Variants in VPS50 observed in about 807,000 individuals in gnomAD.
VPS50 encodes the protein syndetin.
Under a neutral mutation model 139.7 loss-of-function variants are expected in VPS50, and 70 were observed. That is an observed-to-expected ratio of 0.50 (90% CI 0.41 to 0.61). VPS50 has a LOEUF of 0.61. Among genes scored for constraint, VPS50 ranks in the 20% least tolerant of loss-of-function variants. The pLI is 0.00. For synonymous variants in VPS50, 365 were observed against 376.7 expected (o/e 0.97, Z 0.36); for missense variants, 921 against 1,133.7 (o/e 0.81, Z 2.69).
rs555259125 is a variant in VPS50, at chr7:93,280,642, AT to A, written c.942+4346del. Among the ~76,000 whole-genome samples the A allele has an allele frequency of 3.3e-5, 5 of 151,238 alleles. 1 individual carries two copies. The South Asian group carries it at 6.3e-4, about 19-fold the overall frequency. On this transcript the variant is annotated intron_variant, in intron 12 of 27. Coordinates refer to ENST00000305866, the MANE Select transcript of VPS50 (RefSeq NM_017667.4). ...GAAAGTTTATGAAGTATTCATAAGGATTTTTTTTTCCTTTTTAAAAATAACA... is the reference window on the plus strand; with the variant it reads ...GAAAGTTTATGAAGTATTCATAAGGATTTTTTTTCCTTTTTAAAAATAACA...
chr7:93,323,873 A>C, intron 21 of VPS50, 141 bp downstream of exon 21: 1 of 381,658 alleles, frequency 2.6e-6, no homozygotes, highest in Non-Finnish European at 4.6e-6. Flanking sequence ...TATTGATATC[A>C]GCCTTCTGTC....
intron 2 of VPS50, among the ~76,000 whole-genome samples, chr7:93,250,494 C>A (rs1226065782): frequency 6.6e-6 from 1 of 152,018 alleles, no homozygotes; most frequent in Non-Finnish European, 1.5e-5. Flanking sequence ...ATTGGCTAGC[C>A]ATATGCAGAA....
At chr7:93,271,005 C>T in intron 9 of VPS50, 2 of 564,734 alleles carry the variant, frequency 3.5e-6, no homozygotes, top group Non-Finnish European at 5.1e-6. Context: ...TTCTTTCTTT[C>T]TACTCACGCA....
chr7:93,286,846 G>A (rs1796500299), intron 12 of VPS50, among the ~76,000 whole-genome samples: 1 of 152,044 alleles, frequency 6.6e-6, no homozygotes, highest in African/African-American at 2.4e-5. Flanking sequence ...AGCATGAGAA[G>A]CATTTGTCAC....
At chr7:93,305,753 A>T (rs1233315984) in intron 17 of VPS50, 75 bp from the exon 18 acceptor site, 9 of 993,142 alleles carry the variant, frequency 9.1e-6, no homozygotes, top group Non-Finnish European at 1.4e-5. Flanking sequence ...CTCTACATGT[A>T]TATTGAGGGA....
intron 1 of VPS50, among the ~76,000 whole-genome samples, chr7:93,233,933 C>T (rs752986924): frequency 1.3e-5 from 2 of 152,180 alleles, no homozygotes. Context: ...AGTGCTTGAA[C>T]GCAGAGACCG....
At chr7:93,268,423 C>G (rs778987796) in intron 9 of VPS50, among the ~76,000 whole-genome samples, 1 of 152,038 alleles carries the variant, frequency 6.6e-6, no homozygotes, top group African/African-American at 2.4e-5. Flanking sequence ...ACCTATCAAC[C>G]TATCACCTAG....
intron 1 of VPS50, among the ~76,000 whole-genome samples, chr7:93,237,203 G>A (rs897104547): frequency 1.1e-4 from 17 of 151,420 alleles, no homozygotes; most frequent in Admixed American, 6.6e-5. Flanking sequence ...TGATCCGCCC[G>A]CCTCGGCCTC....
At chr7:93,270,746 A>C (rs1795981139) in intron 9 of VPS50, among the ~76,000 whole-genome samples, 1 of 151,778 alleles carries the variant, frequency 6.6e-6, no homozygotes, top group Admixed American at 6.6e-5. Flanking sequence ...GTCATTTTTA[A>C]TTTTTTAAAA....
At chr7:93,258,074 CT>C in intron 6 of VPS50, 84 bp from the exon 7 acceptor site, 1 of 648,138 alleles carries the variant, frequency 1.5e-6, no homozygotes, top group East Asian at 2.7e-5. Flanking sequence ...CATTTCACTG[CT>C]TCATTAGTTA....
In VPS50 at chr7:93,286,572, A is replaced by G. The variant is rs546233753; in HGVS notation, c.943-5131A>G. Among the ~76,000 whole-genome samples the G allele has an allele frequency of 3.7e-4, 57 of 152,282 alleles. 1 individual carries two copies. Among genetic ancestry groups the G allele is most frequent in the Middle Eastern group, 3.4e-3 (1 of 294 alleles). On this transcript the variant is annotated intron_variant, in intron 12 of 27. Coordinates refer to ENST00000305866, the MANE Select transcript of VPS50 (RefSeq NM_017667.4). ...TGCCAGCTGGAATCCAGGGATTCCA[A>G]TTCTTAATTTAGGTCTCTTTCCATT...
chr7:93,266,551 T>C (rs958176200), intron 9 of VPS50, among the ~76,000 whole-genome samples: 2 of 152,230 alleles, frequency 1.3e-5, no homozygotes, highest in African/African-American at 4.8e-5. Context: ...ATTGGTTCTT[T>C]ATGGATAATT....
chr7:93,240,180 A>G (rs1455874201), intron 2 of VPS50, among the ~76,000 whole-genome samples: 1 of 151,642 alleles, frequency 6.6e-6, no homozygotes, highest in Non-Finnish European at 1.5e-5. Flanking sequence ...TTATTATATT[A>G]AATTCTTAGC....
At chr7:93,248,932 G>C (rs1204571420) in intron 2 of VPS50, among the ~76,000 whole-genome samples, 2 of 152,030 alleles carry the variant, frequency 1.3e-5, no homozygotes, top group East Asian at 3.9e-4. Context: ...TTAAAGGAGA[G>C]GATATTTTAT....
intron 27 of VPS50, 35 bp from the exon 28 acceptor site, chr7:93,358,282 A>C: frequency 6.2e-7 from 1 of 1,606,006 alleles, no homozygotes. Flanking sequence ...CATTCCTTTT[A>C]GGGTACTAAA....
At chr7:93,312,172 A>G (rs564672173) in intron 20 of VPS50, among the ~76,000 whole-genome samples, 30 of 152,340 alleles carry the variant, frequency 2.0e-4, no homozygotes, top group African/African-American at 7.2e-4. Flanking sequence ...TGAATTGAGA[A>G]GAACAGAAAG....
intron 20 of VPS50, among the ~76,000 whole-genome samples, chr7:93,313,058 C>T (rs1301608504): frequency 2.0e-5 from 3 of 152,196 alleles, no homozygotes; most frequent in Non-Finnish European, 2.9e-5. Context: ...AGCTCTGCTC[C>T]GTGTGTCTCT....
chr7:93,330,736 T>TGGGCAACA (rs1797911239), intron 21 of VPS50, among the ~76,000 whole-genome samples: 1 of 108,058 alleles, frequency 9.3e-6, no homozygotes, highest in African/African-American at 3.8e-5. Flanking sequence ...CCTGGGCAAC[T>TGGGCAACA]GGGCAACAGA....
chr7:93,281,557 A>G (rs1230206669), intron 12 of VPS50, among the ~76,000 whole-genome samples: 1 of 152,168 alleles, frequency 6.6e-6, no homozygotes, highest in Non-Finnish European at 1.5e-5. Flanking sequence ...GGTTCTCTAT[A>G]GAATTAACTG....
Sources: gnomAD v4.1 joint callset for allele counts (sites outside exome capture counted in the v4.1 genomes callset) on GRCh38, gnomAD v4.1.1 for gene constraint, MANE v1.5 for transcripts, NCBI Gene and HGNC (gene_info 2026-07-23, HGNC 2026-07-21) for gene names.